SNX13: variants seen among roughly 807,000 people sequenced by gnomAD.
The protein encoded by SNX13 is sorting nexin 13, also known as sorting nexin-13.
A neutral mutation model predicts 133.6 loss-of-function variants in SNX13; 45 were observed. That is an observed-to-expected ratio of 0.34 (90% CI 0.27 to 0.43). The LOEUF is 0.43. SNX13 is among the 20% of genes least tolerant of loss of function. The probability of loss-of-function intolerance (pLI) is 1.00; values close to 1 mark genes in which losing one functional copy is unlikely to be tolerated. For missense variants in SNX13, 1,032 were observed against 1,145.1 expected (o/e 0.90, Z 1.43); for synonymous variants, 414 against 373.9 (o/e 1.11, Z -1.24).
At chr7:17,927,230 T>C (rs1163086674) in intron 1 of SNX13, among the ~76,000 whole-genome samples, 1 of 149,924 alleles carries the variant, frequency 6.7e-6, no homozygotes, top group African/African-American at 2.4e-5. Flanking sequence ...TGTGCATGTG[T>C]GTATATATAT....
At chr7:17,939,175 T>A (rs778001648) in intron 1 of SNX13, among the ~76,000 whole-genome samples, 3 of 152,200 alleles carry the variant, frequency 2.0e-5, no homozygotes, top group Non-Finnish European at 4.4e-5. Context: ...TGCTTTACCA[T>A]CACTTTTCAC....
intron 15 of SNX13, chr7:17,832,626 G>A (rs1338892878): frequency 3.5e-6 from 1 of 284,974 alleles, no homozygotes; most frequent in Non-Finnish European, 5.3e-6. Context: ...TTTTTCAATA[G>A]AGTAAGTACA....
At chr7:17,899,722 T>G (rs71524225) in intron 1 of SNX13, 1 of 152,116 alleles carries the variant, frequency 6.6e-6, no homozygotes, top group Non-Finnish European at 1.5e-5. Flanking sequence ...TTATCTTGAA[T>G]TTTGTTGTAC....
intron 4 of SNX13, among the ~76,000 whole-genome samples, chr7:17,890,732 C>A (rs1796535636): frequency 6.6e-6 from 1 of 151,646 alleles, no homozygotes; most frequent in African/African-American, 2.4e-5. Flanking sequence ...AAATAAAACA[C>A]TATCTATGGC....
chr7:17,919,374 C>G (rs1427093527), intron 1 of SNX13, among the ~76,000 whole-genome samples: 1 of 152,064 alleles, frequency 6.6e-6, no homozygotes, highest in Non-Finnish European at 1.5e-5. Flanking sequence ...CAAATAAAAG[C>G]CAAAATTTTC....
intron 1 of SNX13, among the ~76,000 whole-genome samples, chr7:17,915,431 T>C (rs1328453305): frequency 6.6e-6 from 1 of 152,202 alleles, no homozygotes; most frequent in Non-Finnish European, 1.5e-5. Context: ...CACCCTCTTG[T>C]AAATTCCTAT....
intron 20 of SNX13, among the ~76,000 whole-genome samples, chr7:17,814,284 G>A (rs1476533422): frequency 1.3e-5 from 2 of 152,118 alleles, no homozygotes; most frequent in Non-Finnish European, 2.9e-5. Context: ...TAGTAGAGCA[G>A]GGATCTGAAA....
chr7:17,845,778 C>T (rs1790450244), intron 11 of SNX13, 84 bp from the exon 12 acceptor site: 1 of 911,692 alleles, frequency 1.1e-6, no homozygotes, highest in Non-Finnish European at 1.6e-6. Flanking sequence ...GGAAAAAAAT[C>T]AAGCTAAAAC....
At chr7:17,901,634 C>A (rs990751521) in intron 1 of SNX13, among the ~76,000 whole-genome samples, 31 of 152,292 alleles carry the variant, frequency 2.0e-4, no homozygotes, top group African/African-American at 7.2e-4. Flanking sequence ...CTCTCCCTCC[C>A]CTAAGTGCAC....
intron 15 of SNX13, 194 bp from the exon 16 acceptor site, chr7:17,830,241 C>T: frequency 2.0e-6 from 2 of 982,226 alleles, no homozygotes; most frequent in Non-Finnish European, 2.4e-6. Context: ...CTAAGACAGG[C>T]ATTTAAGTGA....
chr7:17,851,338 G>C (rs1470020255), intron 9 of SNX13, among the ~76,000 whole-genome samples: 1 of 152,154 alleles, frequency 6.6e-6, no homozygotes, highest in Non-Finnish European at 1.5e-5. Flanking sequence ...CAAGTCAGAA[G>C]TTATATTGGA....
chr7:17,860,943 G>C (rs1792597695), intron 9 of SNX13, among the ~76,000 whole-genome samples: 1 of 152,168 alleles, frequency 6.6e-6, no homozygotes, highest in Admixed American at 6.5e-5. Context: ...CACTGAATCG[G>C]TAAATTGCTC....
chr7:17,902,660 A>C (rs1230937747), intron 1 of SNX13, among the ~76,000 whole-genome samples: 5 of 152,228 alleles, frequency 3.3e-5, no homozygotes, highest in African/African-American at 1.2e-4. Flanking sequence ...TATTATCTCA[A>C]GAGTTGTCCT....
At chr7:17,884,470 T>C (rs535060730) in intron 5 of SNX13, among the ~76,000 whole-genome samples, 14 of 152,338 alleles carry the variant, frequency 9.2e-5, no homozygotes, top group African/African-American at 3.4e-4. Context: ...ACATAAGAAT[T>C]GTTTTTTCAA....
At chr7:17,926,529 C>A (rs4543433) in intron 1 of SNX13, among the ~76,000 whole-genome samples, 55,604 of 151,930 alleles carry the variant, frequency 0.37, 12,341 homozygotes, top group Non-Finnish European at 0.48. Flanking sequence ...AATACATGCA[C>A]CATATGCAAC....
At chr7:17,823,982 C>T (rs977560544) in intron 17 of SNX13, among the ~76,000 whole-genome samples, 5 of 151,352 alleles carry the variant, frequency 3.3e-5, no homozygotes, top group Non-Finnish European at 7.4e-5. Flanking sequence ...GGTGGATGCA[C>T]AATAGGAAGA....
chr7:17,937,587 T>C (rs1414762122), intron 1 of SNX13, among the ~76,000 whole-genome samples: 1 of 151,982 alleles, frequency 6.6e-6, no homozygotes, highest in South Asian at 2.1e-4. Flanking sequence ...ACACTTATCA[T>C]TACTATTCTC....
intron 5 of SNX13, chr7:17,879,689 T>A (rs1795124433): frequency 6.6e-6 from 1 of 152,244 alleles, no homozygotes; most frequent in South Asian, 2.1e-4. Context: ...GTTCCATCTA[T>A]TCTAAGCAGT....
intron 5 of SNX13, among the ~76,000 whole-genome samples, chr7:17,886,281 C>CT (rs1381221274): frequency 6.6e-6 from 1 of 152,020 alleles, no homozygotes; most frequent in Non-Finnish European, 1.5e-5. Flanking sequence ...CATATACCTA[C>CT]TTTCGCTGGG....
Sources: allele counts gnomAD v4.1 joint callset (sites outside exome capture counted in the v4.1 genomes callset), GRCh38; gene constraint gnomAD v4.1.1; transcripts MANE v1.5; gene names NCBI Gene and HGNC (gene_info 2026-07-23, HGNC 2026-07-21).